The following MON2 variants were observed in gnomAD, a reference collection of about 807,000 sequenced individuals.
MON2 encodes the protein MON2 regulator of endosome-to-Golgi trafficking.
MON2 carries 84 observed loss-of-function variants against 208.6 expected under a neutral mutation model. The observed-to-expected ratio is 0.40, with a 90% CI of 0.34 to 0.48. The LOEUF (loss-of-function observed/expected upper bound fraction) is 0.48, where lower values mean the gene tolerates loss of function less well. Ranked by LOEUF, MON2 falls within the 20% of genes least tolerant of loss-of-function variation. The pLI is 0.59. For synonymous variants in MON2, 660 were observed against 694.0 expected (o/e 0.95, Z 0.77); for missense variants, 1,611 against 2,015.4 (o/e 0.80, Z 3.84).
At chr12:62,468,412 G>A (rs1235637864) in intron 1 of MON2, among the ~76,000 whole-genome samples, 1 of 152,034 alleles carries the variant, frequency 6.6e-6, no homozygotes, top group African/African-American at 2.4e-5. Flanking sequence ...AAAATTCACC[G>A]AGGGATTTCA....
chr12:62,555,267 T>A (rs1489373386), intron 24 of MON2, among the ~76,000 whole-genome samples: 1 of 150,946 alleles, frequency 6.6e-6, no homozygotes, highest in Non-Finnish European at 1.5e-5. Flanking sequence ...CCTCAACCTC[T>A]CCTGGGGGCT....
At position 62,594,869 on chromosome 12, in the gene MON2, A is replaced by T. The variant is rs1376470859; in HGVS notation, c.*2120A>T. 1 of 152,158 alleles carries T rather than the reference A, an allele frequency of 6.6e-6. No individual in the cohort carries two copies. Among genetic ancestry groups the T allele is most frequent in the Non-Finnish European group, 1.5e-5 (1 of 68,036 alleles). 9.4% of individuals were successfully genotyped at this position (152,158 alleles called of 1,614,324 possible). A position where few individuals can be genotyped will look rare whatever the true frequency, so the allele number is the denominator to read the frequency against. On this transcript the variant is annotated 3_prime_UTR_variant, in exon 35 of 35. Coordinates refer to ENST00000393630, the MANE Select transcript of MON2 (RefSeq NM_015026.3). ...GTGGCCCCCTTGGTAGTATAATTGG[A>T]CAGGATTTTCCTCCAGAATATTTCC...
intron 2 of MON2, among the ~76,000 whole-genome samples, chr12:62,490,552 T>C (rs1015823068): frequency 4.6e-5 from 7 of 152,112 alleles, no homozygotes; most frequent in African/African-American, 1.7e-4. Flanking sequence ...TTATACTTTT[T>C]TGGACTATTA....
At chr12:62,549,542 G>A in intron 22 of MON2, 126 bp from the exon 23 acceptor site, 1 of 693,172 alleles carries the variant, frequency 1.4e-6, no homozygotes, top group Non-Finnish European at 2.2e-6. Flanking sequence ...ACATGATCCA[G>A]GGAGGTTGAG....
chr12:62,471,269 G>A (rs550954331), intron 1 of MON2, among the ~76,000 whole-genome samples: 10 of 152,220 alleles, frequency 6.6e-5, no homozygotes, highest in African/African-American at 2.2e-4. Flanking sequence ...TGCAACCTCC[G>A]CCTCCCAGGT....
chr12:62,504,462 T>C (rs1377298094), intron 7 of MON2, among the ~76,000 whole-genome samples: 9 of 152,072 alleles, frequency 5.9e-5, no homozygotes, highest in African/African-American at 2.2e-4. Context: ...TTGGCCAGGA[T>C]GGTCTCGATC....
At chr12:62,475,060 T>G (rs2068994268) in intron 1 of MON2, among the ~76,000 whole-genome samples, 1 of 152,214 alleles carries the variant, frequency 6.6e-6, no homozygotes. Flanking sequence ...ACTCTACTTA[T>G]AGGACTCTAA....
chr12:62,508,001 G>A (rs2071192886), intron 7 of MON2, among the ~76,000 whole-genome samples: 1 of 152,012 alleles, frequency 6.6e-6, no homozygotes, highest in Non-Finnish European at 1.5e-5. Flanking sequence ...GAACTCCTGG[G>A]CTCAAGCTAT....
chr12:62,515,891 A>G (rs146568624), intron 8 of MON2, among the ~76,000 whole-genome samples: 1 of 152,294 alleles, frequency 6.6e-6, no homozygotes, highest in Non-Finnish European at 1.5e-5. Context: ...CTGTACACGT[A>G]AATATTGTTG....
intron 31 of MON2, 80 bp from the exon 32 acceptor site, chr12:62,580,217 A>G: frequency 7.2e-7 from 1 of 1,384,294 alleles, no homozygotes; most frequent in Non-Finnish European, 9.9e-7. Flanking sequence ...ATTTAAAGTA[A>G]AATTTAAATT....
At position 62,510,737 on chromosome 12, in the gene MON2, C is replaced by T. The variant is rs73323292; in HGVS notation, c.984+2257C>T. On this transcript the variant is annotated intron_variant, in intron 8 of 34. Coordinates refer to ENST00000393630, the MANE Select transcript of MON2 (RefSeq NM_015026.3). ...TTTCCCTCTAAGATCAGGAACAAGGCAAGATTGCCTACTCTTGCCACTTCT... is the reference window on the plus strand; with the variant it reads ...TTTCCCTCTAAGATCAGGAACAAGGTAAGATTGCCTACTCTTGCCACTTCT... Among the ~76,000 whole-genome samples the T allele has an allele frequency of 5.5e-3, 839 of 152,226 alleles. 9 individuals carry two copies. The highest frequency in any genetic ancestry group is 0.019 in the African/African-American group (789 of 41,522).
intron 21 of MON2, among the ~76,000 whole-genome samples, chr12:62,546,068 T>A (rs2073469491): frequency 6.6e-6 from 1 of 152,160 alleles, no homozygotes; most frequent in African/African-American, 2.4e-5. Context: ...GTGCTTTTTT[T>A]AAGTCTCCAA....
At chr12:62,497,156 G>A (rs2070547203) in intron 4 of MON2, among the ~76,000 whole-genome samples, 1 of 132,636 alleles carries the variant, frequency 7.5e-6, no homozygotes, top group Non-Finnish European at 1.6e-5. Context: ...GGGGCCTGTT[G>A]TGGGGTTGGG....
chr12:62,552,748 C>T, intron 23 of MON2, 133 bp from the exon 24 acceptor site: 1 of 645,914 alleles, frequency 1.5e-6, no homozygotes, highest in Non-Finnish European at 2.6e-6. Context: ...TGAATCTATT[C>T]TACTAGGAAA....
chr12:62,501,750 A>G, intron 7 of MON2, 52 bp downstream of exon 7: 1 of 1,597,312 alleles, frequency 6.3e-7, no homozygotes, highest in Non-Finnish European at 8.6e-7. Context: ...TGTTTTACAG[A>G]TATTTTTAAA....
chr12:62,570,319 G>A (rs1452705288), intron 29 of MON2, among the ~76,000 whole-genome samples: 2 of 151,758 alleles, frequency 1.3e-5, no homozygotes, highest in Non-Finnish European at 2.9e-5. Flanking sequence ...ATTTGGAGAA[G>A]GAAAAAAGTA....
At chr12:62,504,672 C>A (rs921342683) in intron 7 of MON2, among the ~76,000 whole-genome samples, 1 of 137,526 alleles carries the variant, frequency 7.3e-6, no homozygotes, top group South Asian at 2.3e-4. Flanking sequence ...TCCAGAGATA[C>A]GTATTTGTTT....
At chr12:62,541,777 G>A (rs1023548416) in intron 19 of MON2, among the ~76,000 whole-genome samples, 2 of 152,148 alleles carry the variant, frequency 1.3e-5, no homozygotes, top group East Asian at 1.9e-4. Context: ...AGGTTTTTGA[G>A]TAAGAATCTT....
intron 8 of MON2, 80 bp from the exon 9 acceptor site, chr12:62,524,435 A>G (rs1402038043): frequency 1.7e-6 from 2 of 1,176,396 alleles, no homozygotes; most frequent in Non-Finnish European, 2.5e-6. Flanking sequence ...TGTCCATAGC[A>G]CTAAGTTAAG....
Sources: gnomAD v4.1 joint callset for allele counts (sites outside exome capture counted in the v4.1 genomes callset) on GRCh38, gnomAD v4.1.1 for gene constraint, MANE v1.5 for transcripts, NCBI Gene and HGNC (gene_info 2026-07-23, HGNC 2026-07-21) for gene names.